The following CEP85L variants were observed in gnomAD, a reference collection of about 807,000 sequenced individuals.
CEP85L encodes the protein centrosomal protein 85L, also known as centrosomal protein of 85 kDa-like.
In CEP85L, 60 loss-of-function variants were observed where a neutral mutation model predicts 100.3. That is an observed-to-expected ratio of 0.60 (90% CI 0.49 to 0.74). The LOEUF is 0.74. CEP85L is among the 30% of genes least tolerant of loss of function. The pLI, the probability that CEP85L is intolerant of heterozygous loss-of-function variation, is 0.00. For synonymous variants in CEP85L, 319 were observed against 322.7 expected, an observed-to-expected ratio of 0.99 and a Z score of 0.12; for missense variants, 973 against 936.2, an observed-to-expected ratio of 1.04 and a Z score of -0.51.
intron 5 of CEP85L, among the ~76,000 whole-genome samples, chr6:118,492,068 T>C (rs1444822494): frequency 6.6e-6 from 1 of 152,156 alleles, no homozygotes; most frequent in Non-Finnish European, 1.5e-5. Flanking sequence ...CCTGGTTTTC[T>C]CATCTCTAAA....
intron 2 of CEP85L, among the ~76,000 whole-genome samples, chr6:118,589,886 C>T (rs190123872): frequency 3.0e-4 from 45 of 152,282 alleles, no homozygotes; most frequent in Admixed American, 1.8e-3. Context: ...ATGAATGAGA[C>T]ATAGTTAATG....
chr6:118,642,318 AG>A (rs1285920334), intron 1 of CEP85L, among the ~76,000 whole-genome samples: 1 of 152,168 alleles, frequency 6.6e-6, no homozygotes, highest in African/African-American at 2.4e-5. Context: ...AATAAACAAC[AG>A]GTAGCAAAAC....
intron 11 of CEP85L, 82 bp from the exon 12 acceptor site, chr6:118,469,385 C>G (rs1372917637): frequency 4.7e-6 from 5 of 1,066,632 alleles, no homozygotes; most frequent in Non-Finnish European, 5.7e-6. Flanking sequence ...CATTCTCCCC[C>G]AAGTCTATAA....
At chr6:118,511,090 A>C (rs780170420) in intron 5 of CEP85L, among the ~76,000 whole-genome samples, 47 of 152,316 alleles carry the variant, frequency 3.1e-4, no homozygotes, top group Non-Finnish European at 4.9e-4. Context: ...AACTGACAAC[A>C]GTAGTTCCTG....
At chr6:118,653,773 G>GTA (rs1460013752), upstream of CEP85L, among the ~76,000 whole-genome samples, 1 of 150,708 alleles carries the variant, frequency 6.6e-6, no homozygotes, top group Non-Finnish European at 1.5e-5. Context: ...GTGTGTGTGT[G>GTA]TGTATAAGTA....
chr6:118,545,055 C>T (rs542130645), intron 3 of CEP85L, among the ~76,000 whole-genome samples: 26 of 152,178 alleles, frequency 1.7e-4, no homozygotes, highest in African/African-American at 6.3e-4. Context: ...AAAAAAGCTC[C>T]TTATCTTTGA....
chr6:118,476,135 C>G (rs915006146), intron 10 of CEP85L, among the ~76,000 whole-genome samples: 5 of 152,102 alleles, frequency 3.3e-5, no homozygotes, highest in East Asian at 1.9e-4. Context: ...ACAACTCCCC[C>G]CCGCGACATA....
chr6:118,651,858 C>G (rs1412407004), upstream of CEP85L: 8 of 985,494 alleles, frequency 8.1e-6, no homozygotes, highest in Non-Finnish European at 9.6e-6. Flanking sequence ...TTGCGATACT[C>G]GCCCCTCCCT....
At chr6:118,619,040 G>C (rs749910031) in intron 2 of CEP85L, among the ~76,000 whole-genome samples, 96 of 151,586 alleles carry the variant, frequency 6.3e-4, no homozygotes, top group Non-Finnish European at 1.1e-3. Context: ...GTAAATGGAA[G>C]GCTCAAGGAC....
chr6:118,566,227 TG>T lies in CEP85L; in HGVS notation c.321del (p.Ser108AlafsTer11). On this transcript the variant is annotated frameshift_variant, in exon 3 of 13. Coordinates refer to ENST00000368491, the MANE Select transcript of CEP85L (RefSeq NM_001042475.3). LOFTEE classifies it high-confidence loss of function. ...LPTAHVMPSN[S>X]SASISKLRES... ...TCCCTAAGTTTGGAAATTGAAGCGCTGGAATTAGACGGCATCACATGGGCAG... is the reference window on the plus strand; with the variant it reads ...TCCCTAAGTTTGGAAATTGAAGCGCTGAATTAGACGGCATCACATGGGCAG... The T allele has an allele frequency of 6.2e-7, 1 of 1,614,118 alleles. No homozygotes were observed. Among genetic ancestry groups the T allele is most frequent in the Non-Finnish European group, 8.5e-7 (1 of 1,179,972 alleles).
chr6:118,526,290 C>T lies in CEP85L; in HGVS notation c.1021-2370G>A, dbSNP rs147501230. On this transcript the variant is annotated intron_variant, in intron 3 of 12. Transcript: ENST00000368491. ...ACTAACTGCTGTTTACACCACTGTG[C>T]GGACTGTCTCTTTCACTGTCCAGGC... Among the ~76,000 whole-genome samples the T allele has an allele frequency of 2.0e-3, 304 of 152,242 alleles. 1 individual carries two copies. Among genetic ancestry groups the T allele is most frequent in the African/African-American group, 6.8e-3 (284 of 41,540 alleles).
intron 4 of CEP85L, among the ~76,000 whole-genome samples, chr6:118,516,012 T>C (rs1234473220): frequency 6.6e-6 from 1 of 152,214 alleles, no homozygotes; most frequent in African/African-American, 2.4e-5. Context: ...TGGTTTTCTG[T>C]TCCTGTGTTA....
chr6:118,607,947 A>G (rs1015966888), intron 2 of CEP85L, among the ~76,000 whole-genome samples: 1 of 152,252 alleles, frequency 6.6e-6, no homozygotes, highest in South Asian at 2.1e-4. Flanking sequence ...TCCAGACCCC[A>G]AGAGAGGGTT....
intron 5 of CEP85L, 47 bp downstream of exon 5, chr6:118,511,251 C>A: frequency 8.7e-7 from 1 of 1,147,748 alleles, no homozygotes; most frequent in Non-Finnish European, 1.3e-6. Context: ...ATATTATTAA[C>A]ACAAGCTTTA....
chr6:118,652,910 T>C (rs1047974220), upstream of CEP85L: 40 of 557,310 alleles, frequency 7.2e-5, no homozygotes, highest in Non-Finnish European at 1.1e-4. Context: ...TTGAAGAGGA[T>C]AGATTTTTTT....
chr6:118,701,267 C>T (rs116044704), intron 1 of CEP85L, among the ~76,000 whole-genome samples: 1 of 152,248 alleles, frequency 6.6e-6, no homozygotes, highest in South Asian at 2.1e-4. Flanking sequence ...ACCTAGTAAT[C>T]CCATTACAGG....
chr6:118,480,277 TGTAA>T (rs1381258061), intron 9 of CEP85L, 115 bp downstream of exon 9: 10 of 558,568 alleles, frequency 1.8e-5, no homozygotes, highest in Non-Finnish European at 3.1e-5. Flanking sequence ...CTAGAAACTA[TGTAA>T]GTGATTAAAT....
chr6:118,625,209 G>T (rs1162812522), intron 2 of CEP85L, among the ~76,000 whole-genome samples: 1 of 152,208 alleles, frequency 6.6e-6, no homozygotes, highest in South Asian at 2.1e-4. Context: ...GTGACCTCAG[G>T]TTTCACCTGT....
At chr6:118,662,200 G>T (rs770038737) in intron 1 of CEP85L, among the ~76,000 whole-genome samples, 6 of 152,174 alleles carry the variant, frequency 3.9e-5, no homozygotes, top group Non-Finnish European at 5.9e-5. Context: ...TTCACATGCA[G>T]CTTCCCATTT....
Sources: allele counts gnomAD v4.1 joint callset (sites outside exome capture counted in the v4.1 genomes callset), GRCh38; gene constraint gnomAD v4.1.1; transcripts MANE v1.5; gene names NCBI Gene and HGNC (gene_info 2026-07-23, HGNC 2026-07-21).